KCNJ15: variants seen among roughly 807,000 people sequenced by gnomAD.
KCNJ15 encodes ATP-sensitive inward rectifier potassium channel 15.
In KCNJ15, 14 loss-of-function variants were observed where a neutral mutation model predicts 23.0. The observed-to-expected ratio is 0.61, with a 90% CI of 0.40 to 0.95. The LOEUF (loss-of-function observed/expected upper bound fraction) is 0.95, where lower values mean the gene tolerates loss of function less well. KCNJ15 is among the 40% of genes least tolerant of loss of function. KCNJ15 has a pLI of 0.00. For missense variants in KCNJ15, 388 were observed against 461.8 expected (o/e 0.84, Z 1.46); for synonymous variants, 185 against 183.2 (o/e 1.01, Z -0.08).
intron 1 of KCNJ15, among the ~76,000 whole-genome samples, chr21:38,265,303 G>A (rs964055346): frequency 6.6e-6 from 1 of 152,224 alleles, no homozygotes; most frequent in African/African-American, 2.4e-5. Flanking sequence ...TTTCATTGCA[G>A]CTGGGAGCAG....
chr21:38,275,319 C>T (rs1300751663), intron 1 of KCNJ15, among the ~76,000 whole-genome samples: 1 of 152,022 alleles, frequency 6.6e-6, no homozygotes, highest in Admixed American at 6.5e-5. Context: ...TAACCCGCAT[C>T]ACCTTTTAAA....
At chr21:38,251,630 G>A (rs1979842052) in intron 1 of KCNJ15, among the ~76,000 whole-genome samples, 1 of 152,168 alleles carries the variant, frequency 6.6e-6, no homozygotes, top group African/African-American at 2.4e-5. Flanking sequence ...TAGGATATCA[G>A]GCCTGTATTA....
chr21:38,287,675 A>C (rs182235976), intron 1 of KCNJ15, among the ~76,000 whole-genome samples: 8 of 152,344 alleles, frequency 5.3e-5, no homozygotes, highest in Admixed American at 5.2e-4. Flanking sequence ...AATTTGGGCC[A>C]ATAGTCCTCC....
chr21:38,282,387 A>G (rs1441547538), intron 1 of KCNJ15, among the ~76,000 whole-genome samples: 2 of 152,134 alleles, frequency 1.3e-5, no homozygotes, highest in Admixed American at 6.6e-5. Context: ...AATTTGTTGG[A>G]TGAAATTGAA....
chr21:38,232,644 G>A (rs1978350232), intron 1 of KCNJ15, among the ~76,000 whole-genome samples: 1 of 151,738 alleles, frequency 6.6e-6, no homozygotes, highest in Non-Finnish European at 1.5e-5. Context: ...AGTTTGGTGT[G>A]TTTTTGTTTT....
chr21:38,280,247 G>A lies in KCNJ15; in HGVS notation c.-116-16679G>A, dbSNP rs1983175072. 3.9e-5 allele frequency among the ~76,000 whole-genome samples: 6 copies of A among 152,138 alleles called. 1 individual carries two copies. In the South Asian group the frequency reaches 1.0e-3, roughly 26 times the overall value. On this transcript the variant is annotated intron_variant, in intron 1 of 2. Transcript: ENST00000398938. ...GACATAAATATTTGAAATTTTATTT[G>A]CAGCCACTGTTGCACAGTGCAAGCT...
chr21:38,251,849 A>G (rs986416639), upstream of KCNJ15, among the ~76,000 whole-genome samples: 2 of 152,220 alleles, frequency 1.3e-5, no homozygotes, highest in African/African-American at 4.8e-5. Flanking sequence ...ACTTGGAGGT[A>G]ACATTTTTAT....
At chr21:38,257,857 C>A (rs115993451) in intron 1 of KCNJ15, among the ~76,000 whole-genome samples, 3 of 152,140 alleles carry the variant, frequency 2.0e-5, no homozygotes, top group Admixed American at 2.0e-4. Flanking sequence ...GTAACGCCAA[C>A]GTTTGTCTCC....
At chr21:38,262,652 G>A (rs1173248912) in intron 1 of KCNJ15, among the ~76,000 whole-genome samples, 1 of 151,686 alleles carries the variant, frequency 6.6e-6, no homozygotes, top group African/African-American at 2.4e-5. Flanking sequence ...TTTTTAAAAA[G>A]TGATGTCATA....
chr21:38,288,278 T>C (rs986944150), intron 1 of KCNJ15, among the ~76,000 whole-genome samples: 1 of 151,890 alleles, frequency 6.6e-6, no homozygotes, highest in Non-Finnish European at 1.5e-5. Context: ...CCTGACCTTG[T>C]GATCCGCCTG....
At chr21:38,252,528 C>G (rs1276581524), upstream of KCNJ15, among the ~76,000 whole-genome samples, 1 of 152,090 alleles carries the variant, frequency 6.6e-6, no homozygotes, top group Non-Finnish European at 1.5e-5. Context: ...GACATGATAC[C>G]AATAACAAAG....
At chr21:38,243,623 T>C (rs1979160446) in intron 1 of KCNJ15, among the ~76,000 whole-genome samples, 1 of 152,244 alleles carries the variant, frequency 6.6e-6, no homozygotes, top group Non-Finnish European at 1.5e-5. Context: ...GGTTTTGTCA[T>C]GTTGGCCAGG....
intron 1 of KCNJ15, among the ~76,000 whole-genome samples, chr21:38,271,652 A>G (rs112335485): frequency 6.6e-6 from 1 of 152,264 alleles, no homozygotes; most frequent in Non-Finnish European, 1.5e-5. Context: ...GTATTTGAGT[A>G]TTCTTCTCAA....
At chr21:38,240,449 G>A (rs1441204662) in intron 1 of KCNJ15, among the ~76,000 whole-genome samples, 3 of 152,254 alleles carry the variant, frequency 2.0e-5, no homozygotes, top group East Asian at 1.9e-4. Flanking sequence ...TTTTTCTTCA[G>A]TTCAAGTATT....
chr21:38,258,943 AG>A (rs1399757510), intron 1 of KCNJ15, among the ~76,000 whole-genome samples: 2 of 152,144 alleles, frequency 1.3e-5, no homozygotes, highest in African/African-American at 4.8e-5. Context: ...CATAAGGCTC[AG>A]CACAACCTCA....
intron 1 of KCNJ15, among the ~76,000 whole-genome samples, chr21:38,240,676 T>C (rs1347547179): frequency 2.0e-5 from 3 of 152,274 alleles, no homozygotes. Flanking sequence ...TGGAATGCTC[T>C]ATTACATGGA....
rs754807016 is a variant in KCNJ15 at position 38,300,311 on chromosome 21, A to C, written c.1050A>C (p.Gln350His). 1.9e-6 allele frequency: 3 copies of C among 1,614,002 alleles called. No homozygotes were observed. In the Admixed American group the frequency reaches 5.0e-5, roughly 27 times the overall value. ...ACTGTGCAGATTCTGAGAAACAGCAACTCGAGGAGAAGTACAGGCAGGAGG... is the reference window on the plus strand; with the variant it reads ...ACTGTGCAGATTCTGAGAAACAGCACCTCGAGGAGAAGTACAGGCAGGAGG... ...TFYCADSEKQQLEEKYRQEDQ... is the reference protein window; with the variant it reads ...TFYCADSEKQHLEEKYRQEDQ... The change falls in exon 3 of 3, where the codon CAA becomes CAC. Residue 350 changes from glutamine to histidine, a missense_variant. By Grantham distance (24) the Gln-to-His change is conservative. Coordinates refer to ENST00000398938, the MANE Select transcript of KCNJ15 (RefSeq NM_170736.3).
chr21:38,257,487 C>T (rs2123598558), intron 1 of KCNJ15, among the ~76,000 whole-genome samples: 1 of 152,292 alleles, frequency 6.6e-6, no homozygotes, highest in South Asian at 2.1e-4. Context: ...AAGAATTACT[C>T]CGACTTCTCT....
intron 1 of KCNJ15, among the ~76,000 whole-genome samples, chr21:38,239,156 T>C (rs1601122643): frequency 6.6e-6 from 1 of 152,216 alleles, no homozygotes; most frequent in East Asian, 1.9e-4. Context: ...TTGTGTTTAA[T>C]ATTTCAGTGA....
Sources: allele counts gnomAD v4.1 joint callset (sites outside exome capture counted in the v4.1 genomes callset), GRCh38; gene constraint gnomAD v4.1.1; transcripts MANE v1.5; gene names NCBI Gene and HGNC (gene_info 2026-07-23, HGNC 2026-07-21).